Variants in CYTH2 observed in about 807,000 individuals in gnomAD.
The protein encoded by CYTH2 is cytohesin 2.
CYTH2 carries 24 observed loss-of-function variants against 55.4 expected under a neutral mutation model. That is an observed-to-expected ratio of 0.43 (90% CI 0.31 to 0.61). The LOEUF (loss-of-function observed/expected upper bound fraction) is 0.61. Among genes scored for constraint, CYTH2 ranks in the 20% least tolerant of loss-of-function variants. CYTH2 has a pLI of 0.08. For synonymous variants in CYTH2, 221 were observed against 209.6 expected, an observed-to-expected ratio of 1.05 and a Z score of -0.47; for missense variants, 378 against 533.5, an observed-to-expected ratio of 0.71 and a Z score of 2.87.
chr19:48,478,415 C>G, intron 10 of CYTH2, 23 bp from the exon 11 acceptor site: 1 of 1,612,974 alleles, frequency 6.2e-7, no homozygotes, highest in East Asian at 2.2e-5. Flanking sequence ...TTCTTACCTG[C>G]GCCCTTCCTC....
At chr19:48,470,214 C>T in intron 1 of CYTH2, 139 bp from the exon 2 acceptor site, 1 of 1,288,914 alleles carries the variant, frequency 7.8e-7, no homozygotes, top group Non-Finnish European at 1.1e-6. Context: ...GGGAGGAATC[C>T]AGGCCCCCAG....
At chr19:48,473,134 C>A (rs571702615) in intron 4 of CYTH2, 164 bp from the exon 5 acceptor site, 2 of 694,486 alleles carry the variant, frequency 2.9e-6, no homozygotes, top group East Asian at 5.5e-5. Flanking sequence ...GAGCATCCCC[C>A]ACCCTGGGGG....
chr19:48,471,242 C>T lies in CYTH2; in HGVS notation c.234+573C>T, dbSNP rs200292447. ...AGCGATGTGATCTCGGCTCACTAAC[C>T]TCCGCCTCCTGCGATTCTCCTGCCT... On this transcript the variant is annotated intron_variant, in intron 3 of 11. Coordinates refer to ENST00000452733, the MANE Select transcript of CYTH2 (RefSeq NM_004228.7). 3.6e-4 allele frequency among the ~76,000 whole-genome samples: 55 copies of T among 151,594 alleles called. No individual in the cohort carries two copies. The East Asian group carries it at 7.3e-3, about 20-fold the overall frequency.
chr19:48,472,260 T>G, intron 3 of CYTH2, 65 bp from the exon 4 acceptor site: 1 of 1,479,948 alleles, frequency 6.8e-7, no homozygotes, highest in Non-Finnish European at 9.4e-7. Context: ...ATGCTGAGGT[T>G]CCCAGGGAGG....
At chr19:48,471,198 A>G (rs569236737) in intron 3 of CYTH2, among the ~76,000 whole-genome samples, 128 of 129,876 alleles carry the variant, frequency 9.9e-4, no homozygotes, top group South Asian at 2.0e-3. Context: ...GTCTTGCTCT[A>G]TCACCCAGGC....
In CYTH2 at chr19:48,477,600, G is replaced by A. The variant is rs988333102; in HGVS notation, c.809-469G>A. The A allele has an allele frequency of 6.5e-5, 11 of 169,118 alleles. No homozygotes were observed. In the South Asian group the frequency reaches 7.5e-4, roughly 12 times the overall value. 10.5% of individuals were successfully genotyped at this position (169,118 alleles called of 1,614,324 possible). On this transcript the variant is annotated intron_variant, in intron 8 of 11. Transcript: ENST00000452733. The stretch of plus-strand genomic sequence containing the variant: ...GTTTGCCTCTCTGTCCTGCCCCTGC[G>A]CACCCCTCCCTGTGCCCACCCTGTT...
intron 8 of CYTH2, chr19:48,476,009 G>C (rs756705386): frequency 7.7e-6 from 4 of 519,542 alleles, no homozygotes; most frequent in African/African-American, 1.9e-5. Flanking sequence ...GGGAGTCAAG[G>C]TCAGGCTTCT....
intron 8 of CYTH2, chr19:48,477,705 T>C (rs1334268983): frequency 7.8e-6 from 2 of 256,092 alleles, no homozygotes; most frequent in Admixed American, 9.6e-5. Flanking sequence ...GCTTTCTCGC[T>C]GTCTGCCCCA....
intron 1 of CYTH2, chr19:48,469,959 A>G (rs574462291): frequency 3.6e-5 from 20 of 549,590 alleles, no homozygotes; most frequent in Non-Finnish European, 6.4e-5. Context: ...GTGACTTTTC[A>G]TGGACCCAGT....
At chr19:48,477,939 G>A (rs1271790884) in intron 8 of CYTH2, 130 bp from the exon 9 acceptor site, 4 of 664,168 alleles carry the variant, frequency 6.0e-6, no homozygotes, top group Admixed American at 2.8e-5. Flanking sequence ...CTCCCCCAAC[G>A]CAGCGGCTTT....
At position 48,474,443 on chromosome 19, in the gene CYTH2, G is replaced by A. The variant is rs1971868690; in HGVS notation, c.696+113G>A. 1.7e-6 allele frequency: 2 copies of A among 1,142,868 alleles called. No homozygotes were observed. The highest frequency in any genetic ancestry group is 1.2e-6 in the Non-Finnish European group (1 of 826,612). The allele number at this position is 1,142,868 out of a possible 1,614,324, so 70.8% of individuals were successfully genotyped here. On this transcript the variant is annotated intron_variant, in intron 7 of 11. Transcript: ENST00000452733. This position sits in a 1 kb window ranked among gnomAD's most constrained non-coding sequence, Gnocchi z 4.9. ...TGTCTGCCCTCACCCCCAAGATGGT[G>A]CGATCATGCCAACTCGTGTGTGATC...
At position 48,470,651 on chromosome 19, in the gene CYTH2, C is replaced by T; in HGVS notation, c.216C>T (p.Phe72=). The change falls in exon 3 of 12, where the codon TTC becomes TTT. Residue 72 remains phenylalanine (F), a synonymous_variant. Coordinates refer to ENST00000452733, the MANE Select transcript of CYTH2 (RefSeq NM_004228.7). ...NRKMAMGRKK[F]NMDPKKGIQF... ...AGATGGCAATGGGCAGGAAGAAGTT[C>T]AACATGGACCCCAAGAAGGTGCTTG... 1 of 1,614,222 alleles carries T rather than the reference C, an allele frequency of 6.2e-7. No homozygotes were observed. Among genetic ancestry groups the T allele is most frequent in the Non-Finnish European group, 8.5e-7 (1 of 1,180,046 alleles).
In CYTH2 at chr19:48,469,963, AC is replaced by A. The variant is rs1569086889; in HGVS notation, c.20-387del. The stretch of plus-strand genomic sequence containing the variant: ...CCCCGGCTGTAGTGACTTTTCATGG[AC>A]CCAGTAGTCCGGATAACCAGGTCCC... On this transcript the variant is annotated intron_variant, in intron 1 of 11. Coordinates refer to ENST00000452733, the MANE Select transcript of CYTH2 (RefSeq NM_004228.7). 3 of 551,644 alleles carry A rather than the reference AC, an allele frequency of 5.4e-6. No homozygotes were observed. The Admixed American group carries it at 6.7e-5, about 12-fold the overall frequency. The allele number at this position is 551,644 out of a possible 1,614,324, so 34.2% of individuals were successfully genotyped here.
Position 48,474,254 on chromosome 19 carries a change from A to G in CYTH2, c.620A>G (p.Lys207Arg), listed in dbSNP as rs1354100517. ...CTCCACAATCCCAATGTCCGGGACAAGCCGGGCCTGGAGCGCTTTGTGGCC... is the reference window on the plus strand; with the variant it reads ...CTCCACAATCCCAATGTCCGGGACAGGCCGGGCCTGGAGCGCTTTGTGGCC... Reference protein sequence around the residue: ...TSLHNPNVRDKPGLERFVAMN... With the variant: ...TSLHNPNVRDRPGLERFVAMN... Residue 207 changes from lysine to arginine, a missense_variant, in exon 7 of 12, where the codon AAG becomes AGG. Coordinates refer to ENST00000452733, the MANE Select transcript of CYTH2 (RefSeq NM_004228.7). The surrounding 1 kb of genome is among the most constrained non-coding windows in gnomAD (Gnocchi z 4.9). The G allele has an allele frequency of 1.2e-6, 2 of 1,613,540 alleles. No individual in the cohort carries two copies. The highest frequency in any genetic ancestry group is 4.5e-5 in the East Asian group (2 of 44,876).
At chr19:48,477,143 CAAGG>C (rs1601026826) in intron 8 of CYTH2, 1 of 152,460 alleles carries the variant, frequency 6.6e-6, no homozygotes, top group African/African-American at 2.4e-5. Context: ...CCTGGGCCCA[CAAGG>C]AAGCCAGCAG....
chr19:48,477,871 C>G, intron 8 of CYTH2, 198 bp from the exon 9 acceptor site: 1 of 568,000 alleles, frequency 1.8e-6, no homozygotes, highest in Non-Finnish European at 3.2e-6. Context: ...AATGTGGAGC[C>G]CCAAGCTGGG....
Position 48,472,390 on chromosome 19 carries a change from G to A in CYTH2, c.300G>A (p.Leu100=), listed in dbSNP as rs767366958. The part of the protein sequence containing the change: ...QNTPEEIARF[L]YKGEGLNKTA... ...CACCCGAGGAGATCGCCCGCTTCCT[G>A]TACAAGGGCGAGGGGCTGAACAAGA... Residue 100 remains leucine (L), a synonymous_variant, in exon 4 of 12, where the codon CTG becomes CTA. Transcript: ENST00000452733. The A allele has an allele frequency of 5.3e-5, 85 of 1,613,884 alleles. No individual in the cohort carries two copies. The highest frequency in any genetic ancestry group is 6.9e-5 in the Non-Finnish European group (81 of 1,180,032).
In CYTH2 at chr19:48,481,701, C is replaced by T. The variant is rs570328481; in HGVS notation, c.*2491C>T. 8 of 153,366 alleles carry T rather than the reference C, an allele frequency of 5.2e-5. No individual in the cohort carries two copies. In the South Asian group the frequency reaches 5.7e-4, roughly 11 times the overall value. The allele number at this position is 153,366 out of a possible 1,614,324, so 9.5% of individuals were successfully genotyped here. A position where few individuals can be genotyped will look rare whatever the true frequency, so the allele number is the denominator to read the frequency against. On this transcript the variant is annotated 3_prime_UTR_variant, in exon 12 of 12. Coordinates refer to ENST00000452733, the MANE Select transcript of CYTH2 (RefSeq NM_004228.7). ...CTAATTTTTGTATTTTTAGTAGAGA[C>T]GGGGTTTCACCATATTGGCCAAGCT... is the stretch of plus-strand genomic sequence containing the variant.
At position 48,480,525 on chromosome 19, in the gene CYTH2, T is replaced by TA. The variant is rs1277591676; in HGVS notation, c.*1316dup. ...CCTCCGCGGGAAGGTGGACTACAGT[T>TA]ATCGGCAGGCTGTGCGGCGCCAAAG... On this transcript the variant is annotated 3_prime_UTR_variant, in exon 12 of 12. Transcript: ENST00000452733. 6.6e-6 allele frequency: 1 copy of TA among 152,186 alleles called. No homozygotes were observed. Among genetic ancestry groups the TA allele is most frequent in the African/African-American group, 2.4e-5 (1 of 41,448 alleles). 9.4% of individuals were successfully genotyped at this position (152,186 alleles called of 1,614,324 possible). A position where few individuals can be genotyped will look rare whatever the true frequency, so the allele number is the denominator to read the frequency against.
Sources: allele counts gnomAD v4.1 joint callset (sites outside exome capture counted in the v4.1 genomes callset), GRCh38; gene constraint gnomAD v4.1.1; non-coding constraint Gnocchi (gnomAD v3.1); transcripts MANE v1.5; gene names NCBI Gene and HGNC (gene_info 2026-07-23, HGNC 2026-07-21).